Variants in RPAP1 observed in about 807,000 individuals in gnomAD.
RPAP1 encodes RNA polymerase II associated protein 1.
Under a neutral mutation model 142.4 loss-of-function variants are expected in RPAP1, and 109 were observed. That is an observed-to-expected ratio of 0.77 (90% CI 0.66 to 0.90). The LOEUF (loss-of-function observed/expected upper bound fraction) is 0.90. RPAP1 is among the 40% of genes least tolerant of loss of function. The pLI is 0.00. For synonymous variants in RPAP1, 704 were observed against 738.9 expected (o/e 0.95, Z 0.77); for missense variants, 1,546 against 1,751.7 (o/e 0.88, Z 2.10).
intron 7 of RPAP1, among the ~76,000 whole-genome samples, chr15:41,530,333 C>T (rs1320268554): frequency 1.3e-5 from 2 of 152,114 alleles, no homozygotes; most frequent in African/African-American, 2.4e-5. Flanking sequence ...TTTCCAGTAC[C>T]AGCCCTTAAA....
intron 1 of RPAP1, among the ~76,000 whole-genome samples, chr15:41,540,202 C>T (rs2051958136): frequency 6.6e-6 from 1 of 152,114 alleles, no homozygotes; most frequent in Non-Finnish European, 1.5e-5. Context: ...TTATATCTAA[C>T]ACTTATTGAG....
chr15:41,529,425 G>A (rs761908118), intron 9 of RPAP1, 45 bp downstream of exon 9: 1 of 1,276,860 alleles, frequency 7.8e-7, no homozygotes, highest in Non-Finnish European at 1.1e-6. Flanking sequence ...TTTTCCATGG[G>A]GTTGTTAAAA....
At chr15:41,532,533 T>A (rs1212597872) in intron 6 of RPAP1, among the ~76,000 whole-genome samples, 1 of 152,056 alleles carries the variant, frequency 6.6e-6, no homozygotes, top group Non-Finnish European at 1.5e-5. Context: ...TGCCTGGCAT[T>A]TTGGTGAACA....
chr15:41,520,759 G>A lies in RPAP1; in HGVS notation c.3427C>T (p.Arg1143Cys), dbSNP rs372226785. 61 of 1,613,530 alleles carry A rather than the reference G, an allele frequency of 3.8e-5. No individual in the cohort carries two copies. The highest frequency in any genetic ancestry group is 4.4e-5 in the South Asian group (4 of 91,068). The change falls in exon 22 of 25, where the codon CGC becomes TGC. Residue 1143 changes from arginine to cysteine, a missense_variant. Around this residue, in one of 3 missense-constraint regions of RPAP1, gnomAD observed 1,333 missense variants for 1,486.6 expected, o/e 0.90. Coordinates refer to ENST00000304330, the MANE Select transcript of RPAP1 (RefSeq NM_015540.4). ...LQWVLVLESW[R>C]PQALWAVPPA... ...GGCACAGCCCAGAGAGCCTGGGGGC[G>A]CCAGCTCTCCAAAACTAGCACCCAC...
chr15:41,529,597 C>G, intron 8 of RPAP1, 29 bp from the exon 9 acceptor site: 1 of 1,531,706 alleles, frequency 6.5e-7, no homozygotes, highest in Non-Finnish European at 9.0e-7. Context: ...GGACTGTGGT[C>G]TGGGGGCTCC....
intron 6 of RPAP1, 119 bp from the exon 7 acceptor site, chr15:41,531,321 C>T (rs767743834): frequency 1.3e-5 from 13 of 1,006,078 alleles, no homozygotes; most frequent in East Asian, 7.3e-5. Context: ...AAGCTGCTTC[C>T]GAGCCTGGGC....
At position 41,523,785 on chromosome 15, in the gene RPAP1, C is replaced by T. The variant is rs2051758073; in HGVS notation, c.2422G>A (p.Ala808Thr). 6.2e-7 allele frequency: 1 copy of T among 1,600,990 alleles called. No homozygotes were observed. The highest frequency in any genetic ancestry group is 8.5e-7 in the Non-Finnish European group (1 of 1,174,266). Residue 808 changes from alanine (A) to threonine (T), a missense_variant, in exon 17 of 25, where the codon GCC becomes ACC. Transcript: ENST00000304330. The part of the protein sequence containing the change: ...CLLFLGAYYQ[A>T]WSQQPSSCPE... Reference sequence around the variant, plus strand: ...GAGGCACTCACTTGCTGGCTCCAGGCCTGGTAGTAGGCTCCCAGGAACAAC... The same window carrying T: ...GAGGCACTCACTTGCTGGCTCCAGGTCTGGTAGTAGGCTCCCAGGAACAAC...
At chr15:41,522,480 T>C in intron 19 of RPAP1, 1 of 571,792 alleles carries the variant, frequency 1.7e-6, no homozygotes, top group South Asian at 2.2e-5. Context: ...AGCCTCCGCC[T>C]CCCGGGTTCA....
chr15:41,521,235 C>G (rs2140758668), intron 21 of RPAP1, 88 bp from the exon 22 acceptor site: 2 of 1,333,622 alleles, frequency 1.5e-6, no homozygotes, highest in Admixed American at 4.9e-5. Flanking sequence ...CTGGAGGCTC[C>G]TAGGTCCAGA....
chr15:41,539,440 G>T (rs1012858760), intron 1 of RPAP1, among the ~76,000 whole-genome samples: 1 of 151,934 alleles, frequency 6.6e-6, no homozygotes, highest in Admixed American at 6.6e-5. Flanking sequence ...GATTACAGGC[G>T]CCCACCACCA....
At chr15:41,522,685 C>G in intron 19 of RPAP1, 80 bp downstream of exon 19, 1 of 786,184 alleles carries the variant, frequency 1.3e-6, no homozygotes, top group South Asian at 1.8e-5. Flanking sequence ...CCACCGCGCC[C>G]ATCCCACCCT....
chr15:41,529,633 AC>A (rs1421996173), intron 8 of RPAP1, 65 bp from the exon 9 acceptor site: 50 of 1,183,570 alleles, frequency 4.2e-5, no homozygotes, highest in Admixed American at 5.8e-5. Context: ...CCCACTCCCC[AC>A]CTTTAATCCC....
At chr15:41,532,022 ATT>A (rs1279380657) in intron 6 of RPAP1, among the ~76,000 whole-genome samples, 15 of 124,400 alleles carry the variant, frequency 1.2e-4, no homozygotes, top group East Asian at 4.9e-4. Flanking sequence ...TATCTGGCTA[ATT>A]TTTTTTTTTT....
chr15:41,525,094 G>A lies in RPAP1; in HGVS notation c.1972C>T (p.Gln658Ter). ...TCCTCTGGGGGCAAGGCCAGTTCTT[G>A]GGGAGCCTCAGCTATGATGCGGCAC... ...RLCRIIAEAPQELALPPEEAE... is the reference protein window; with the variant it reads ...RLCRIIAEAP The change falls in exon 15 of 25, where the codon CAA becomes TAA. Residue 658 changes from glutamine (Q) to a stop codon, truncating the protein, a stop_gained. Transcript: ENST00000304330. LOFTEE classifies it high-confidence loss of function. 1 of 1,613,916 alleles carries A rather than the reference G, an allele frequency of 6.2e-7. No individual in the cohort carries two copies.
chr15:41,544,036 T>C lies in RPAP1; in HGVS notation c.-77+183A>G, dbSNP rs1200353. ...CACCCAACTCTACAATGAGGAATCA[T>C]CGAGTCGCAGCTTTCGCCGCCCGTT... On this transcript the variant is annotated intron_variant, in intron 1 of 24. Coordinates refer to ENST00000304330, the MANE Select transcript of RPAP1 (RefSeq NM_015540.4). The C allele has an allele frequency of 0.72, 109,379 of 152,164 alleles. 39,567 individuals are homozygous for C. The highest frequency in any genetic ancestry group is 0.85 in the East Asian group (4,378 of 5,158). The allele number at this position is 152,164 out of a possible 1,614,324, so 9.4% of individuals were successfully genotyped here.
chr15:41,520,137 T>C, intron 22 of RPAP1: 1 of 482,396 alleles, frequency 2.1e-6, no homozygotes. Flanking sequence ...TTTCACTATG[T>C]TGCCCAGGCT....
chr15:41,522,262 CA>C lies in RPAP1; in HGVS notation c.2743-13del. The C allele has an allele frequency of 1.2e-6, 2 of 1,612,064 alleles. No homozygotes were observed. Among genetic ancestry groups the C allele is most frequent in the Non-Finnish European group, 1.7e-6 (2 of 1,179,244 alleles). On this transcript the variant is annotated splice_polypyrimidine_tract_variant and intron_variant, in intron 19 of 24. Coordinates refer to ENST00000304330, the MANE Select transcript of RPAP1 (RefSeq NM_015540.4). ...AATATGGCAGCCAGCTGAGGAAAAG[CA>C]ATTTTGTTCAGATCTAGAAATTGAC...
intron 21 of RPAP1, 145 bp downstream of exon 21, chr15:41,521,593 G>A (rs751924726): frequency 3.5e-6 from 3 of 857,452 alleles, no homozygotes; most frequent in Middle Eastern, 7.2e-4. Flanking sequence ...CTTCACTAAT[G>A]AGGTAATGGA....
At chr15:41,517,957 C>T in intron 23 of RPAP1, 49 bp downstream of exon 23, 1 of 1,613,592 alleles carries the variant, frequency 6.2e-7, no homozygotes. Context: ...CCAGAGGCAG[C>T]TCAATTGCTA....
Sources: gnomAD v4.1 joint callset for allele counts (sites outside exome capture counted in the v4.1 genomes callset) on GRCh38, gnomAD v4.1.1 for gene constraint, gnomAD v4.1.1 regional missense constraint, MANE v1.5 for transcripts, NCBI Gene and HGNC (gene_info 2026-07-23, HGNC 2026-07-21) for gene names.